The following DOK5 variants were observed in gnomAD, a reference collection of about 807,000 sequenced individuals.
DOK5 encodes the protein docking protein 5, also known as downstream of tyrosine kinase 5.
A neutral mutation model predicts 43.3 loss-of-function variants in DOK5; 27 were observed. The observed-to-expected ratio is 0.62, with a 90% CI of 0.46 to 0.86. The LOEUF is 0.86. DOK5 is among the 40% of genes least tolerant of loss of function. The probability of loss-of-function intolerance (pLI) is 0.00; values close to 1 mark genes in which losing one functional copy is unlikely to be tolerated. For synonymous variants in DOK5, 146 were observed against 140.1 expected, an observed-to-expected ratio of 1.04 and a Z score of -0.30; for missense variants, 373 against 392.9, an observed-to-expected ratio of 0.95 and a Z score of 0.43.
intron 5 of DOK5, among the ~76,000 whole-genome samples, chr20:54,606,094 C>G (rs535689364): frequency 1.3e-5 from 2 of 152,318 alleles, no homozygotes; most frequent in East Asian, 3.9e-4. Context: ...CCAACATTTT[C>G]TGAGCTATTG....
intron 1 of DOK5, among the ~76,000 whole-genome samples, chr20:54,532,756 G>A (rs1600684690): frequency 1.3e-5 from 2 of 152,326 alleles, no homozygotes; most frequent in East Asian, 3.9e-4. Flanking sequence ...CCAGGATCAA[G>A]TTTGGGCAAG....
intron 1 of DOK5, 71 bp from the exon 2 acceptor site, chr20:54,554,862 A>C: frequency 1.0e-6 from 1 of 991,360 alleles, no homozygotes; most frequent in Middle Eastern, 2.1e-4. Context: ...TGAAAACATC[A>C]AAAAGAAAAC....
intron 1 of DOK5, among the ~76,000 whole-genome samples, chr20:54,529,831 T>C (rs1346139045): frequency 1.3e-5 from 2 of 152,220 alleles, no homozygotes; most frequent in Admixed American, 1.3e-4. Context: ...TACATGGTCT[T>C]TTGTGTCTGG....
At chr20:54,596,300 A>G (rs1986138830) in intron 5 of DOK5, among the ~76,000 whole-genome samples, 1 of 152,234 alleles carries the variant, frequency 6.6e-6, no homozygotes, top group Non-Finnish European at 1.5e-5. Flanking sequence ...CTTCTCTCAC[A>G]TCGAGAAGTG....
chr20:54,476,867 T>C (rs1981449426), intron 1 of DOK5, among the ~76,000 whole-genome samples: 1 of 152,114 alleles, frequency 6.6e-6, no homozygotes, highest in South Asian at 2.1e-4. Context: ...CTTCCTCTCC[T>C]TGGGACTGAA....
At chr20:54,619,054 T>A (rs1202491883) in intron 6 of DOK5, among the ~76,000 whole-genome samples, 2 of 107,474 alleles carry the variant, frequency 1.9e-5, no homozygotes, top group African/African-American at 8.3e-5. Flanking sequence ...TATATATATA[T>A]ATATATATAT....
In DOK5 at chr20:54,626,415, T is replaced by A. The variant is rs757353097; in HGVS notation, c.735+15892T>A. 1.2e-4 allele frequency among the ~76,000 whole-genome samples: 19 copies of A among 152,206 alleles called. No individual in the cohort carries two copies. The South Asian group carries it at 1.7e-3, about 13-fold the overall frequency. On this transcript the variant is annotated intron_variant, in intron 6 of 7. Transcript: ENST00000262593. Reference sequence around the variant, plus strand: ...TTATTTCCTTCAATTTTCACAACTATCCTTGGAGATAGGGACTGGTTTTTG... The same window carrying A: ...TTATTTCCTTCAATTTTCACAACTAACCTTGGAGATAGGGACTGGTTTTTG...
chr20:54,539,864 ATAAC>A (rs1378434393), intron 1 of DOK5, among the ~76,000 whole-genome samples: 7 of 152,268 alleles, frequency 4.6e-5, no homozygotes, highest in Admixed American at 2.0e-4. Context: ...TTATGCAACA[ATAAC>A]TAACTGATAG....
Position 54,510,483 on chromosome 20 carries a change from A to G in DOK5, c.66+34471A>G, listed in dbSNP as rs6023337. 8.6e-3 allele frequency among the ~76,000 whole-genome samples: 1,307 copies of G among 152,312 alleles called. 25 individuals are homozygous for G. The highest frequency in any genetic ancestry group is 0.03 in the African/African-American group (1,257 of 41,570). On this transcript the variant is annotated intron_variant, in intron 1 of 7. Coordinates refer to ENST00000262593, the MANE Select transcript of DOK5 (RefSeq NM_018431.5). ...GAGGTGTTTTATTGCCAATCTCTTT[A>G]AACCACAGCCAGGCATGTATACTCA... is the stretch of plus-strand genomic sequence containing the variant.
chr20:54,597,309 C>A (rs1986171413), intron 5 of DOK5, among the ~76,000 whole-genome samples: 1 of 152,088 alleles, frequency 6.6e-6, no homozygotes, highest in African/African-American at 2.4e-5. Flanking sequence ...ACAACCTGGG[C>A]AGGGGGTGTT....
At chr20:54,592,685 T>C (rs1248703758) in intron 5 of DOK5, among the ~76,000 whole-genome samples, 3 of 151,642 alleles carry the variant, frequency 2.0e-5, no homozygotes, top group Non-Finnish European at 4.4e-5. Flanking sequence ...GGACTACAGG[T>C]GCCCGCCACC....
intron 1 of DOK5, among the ~76,000 whole-genome samples, chr20:54,542,493 G>A (rs1177460417): frequency 1.3e-5 from 2 of 152,216 alleles, no homozygotes; most frequent in African/African-American, 4.8e-5. Flanking sequence ...AGAAGGAAAA[G>A]CATATATAAC....
At position 54,480,926 on chromosome 20, in the gene DOK5, A is replaced by T. The variant is rs866622329; in HGVS notation, c.66+4914A>T. ...CCATCTATCTATCTATCTATCTATC[A>T]ATCATCTATCATCTATCTATCTATC... is the stretch of plus-strand genomic sequence containing the variant. On this transcript the variant is annotated intron_variant, in intron 1 of 7. Coordinates refer to ENST00000262593, the MANE Select transcript of DOK5 (RefSeq NM_018431.5). 8.3e-4 allele frequency among the ~76,000 whole-genome samples: 104 copies of T among 124,704 alleles called. 4 individuals carry two copies. The highest frequency in any genetic ancestry group is 2.2e-3 in the African/African-American group (65 of 29,130). The allele number at this position is 124,704 out of a possible 152,430, so 81.8% of individuals were successfully genotyped here.
intron 1 of DOK5, among the ~76,000 whole-genome samples, chr20:54,545,936 A>T (rs932425016): frequency 2.0e-5 from 3 of 152,220 alleles, no homozygotes; most frequent in African/African-American, 7.2e-5. Context: ...GTCTCTTTTT[A>T]GATTATGATA....
chr20:54,550,588 G>A (rs983657628), intron 1 of DOK5, among the ~76,000 whole-genome samples: 2 of 152,156 alleles, frequency 1.3e-5, no homozygotes, highest in Non-Finnish European at 1.5e-5. Flanking sequence ...TCTGTTTTCC[G>A]TTTCTATAAT....
At chr20:54,476,735 A>G (rs1042528198) in intron 1 of DOK5, among the ~76,000 whole-genome samples, 4 of 152,166 alleles carry the variant, frequency 2.6e-5, no homozygotes, top group Admixed American at 1.3e-4. Context: ...GGAAGAATGA[A>G]TGAATCTTAG....
At chr20:54,486,573 A>G (rs898119691) in intron 1 of DOK5, among the ~76,000 whole-genome samples, 2 of 139,198 alleles carry the variant, frequency 1.4e-5, no homozygotes, top group African/African-American at 6.6e-5. Context: ...ACACACATGC[A>G]CACACACACA....
chr20:54,577,335 A>G (rs1362015904), intron 2 of DOK5, among the ~76,000 whole-genome samples: 2 of 152,196 alleles, frequency 1.3e-5, no homozygotes, highest in Non-Finnish European at 2.9e-5. Context: ...AATTGTTACT[A>G]TTGGGAAGAG....
intron 2 of DOK5, among the ~76,000 whole-genome samples, chr20:54,588,141 A>C (rs1460627198): frequency 6.6e-6 from 1 of 152,204 alleles, no homozygotes; most frequent in African/African-American, 2.4e-5. Flanking sequence ...ACCGAAACAG[A>C]CATAAGAACT....
Sources: gnomAD v4.1 joint callset for allele counts (sites outside exome capture counted in the v4.1 genomes callset) on GRCh38, gnomAD v4.1.1 for gene constraint, MANE v1.5 for transcripts, NCBI Gene and HGNC (gene_info 2026-07-23, HGNC 2026-07-21) for gene names.